NLRP14: variants seen among roughly 807,000 people sequenced by gnomAD.
NLRP14 encodes the protein NACHT, LRR and PYD domains-containing protein 14.
In NLRP14, 105 loss-of-function variants were observed where a neutral mutation model predicts 94.7. The observed-to-expected ratio is 1.11, with a 90% CI of 0.95 to 1.30. NLRP14 has a LOEUF of 1.30. Among genes scored for constraint, NLRP14 ranks in the 50% most tolerant of loss-of-function variants. The pLI is 0.00. For synonymous variants in NLRP14, 508 were observed against 459.9 expected, an observed-to-expected ratio of 1.10 and a Z score of -1.34; for missense variants, 1,362 against 1,254.1, an observed-to-expected ratio of 1.09 and a Z score of -1.30.
At chr11:7,048,999 G>A (rs181180563) in intron 5 of NLRP14, among the ~76,000 whole-genome samples, 2 of 151,942 alleles carry the variant, frequency 1.3e-5, no homozygotes, top group Admixed American at 6.6e-5. Context: ...GTACTTGCCT[G>A]GGGTGAGGGG....
chr11:7,079,149 A>G, the NLRP14 span, among the ~76,000 whole-genome samples: 2 of 152,240 alleles, frequency 1.3e-5, no homozygotes, highest in African/African-American at 4.8e-5. Flanking sequence ...GGCCAGAGGA[A>G]GAAGATGATT....
the NLRP14 span, chr11:7,089,238 A>G: frequency 6.2e-7 from 1 of 1,612,756 alleles, no homozygotes; most frequent in Non-Finnish European, 8.5e-7. Flanking sequence ...GGTGCTCCTG[A>G]TGAAAGACCG....
At chr11:7,075,673 A>G (rs1198592090), downstream of NLRP14, among the ~76,000 whole-genome samples, 3 of 152,232 alleles carry the variant, frequency 2.0e-5, no homozygotes, top group African/African-American at 7.2e-5. Context: ...AGCATGGAGT[A>G]TACAGTCATT....
At chr11:7,090,007 G>T in the NLRP14 span, 10 of 1,612,884 alleles carry the variant, frequency 6.2e-6, no homozygotes, top group Non-Finnish European at 7.6e-6. Flanking sequence ...GCCCCAGGAC[G>T]GGGGACACCG....
downstream of NLRP14, among the ~76,000 whole-genome samples, chr11:7,072,857 T>C (rs1281921719): frequency 7.2e-5 from 11 of 152,172 alleles, no homozygotes; most frequent in Non-Finnish European, 1.6e-4. Flanking sequence ...TGGCCACTTA[T>C]TGTCTCAGAG....
At chr11:7,079,216 C>T in the NLRP14 span, among the ~76,000 whole-genome samples, 7 of 152,262 alleles carry the variant, frequency 4.6e-5, no homozygotes, top group East Asian at 7.7e-4. Flanking sequence ...GGAGCTTCTC[C>T]GCCCCCTAAA....
chr11:7,036,433 G>A (rs1298167033), intron 1 of NLRP14, among the ~76,000 whole-genome samples: 6 of 152,164 alleles, frequency 3.9e-5, no homozygotes, highest in Admixed American at 6.5e-5. Flanking sequence ...TATAGATCTC[G>A]GCTCAAAGGG....
chr11:7,038,630 T>A lies in NLRP14; in HGVS notation c.44T>A (p.Leu15Gln). ...SSSSFFPDFG[L>Q]LLYLEELNKE... Reference sequence around the variant, plus strand: ...TCTTCTTTCTTTCCTGATTTTGGGCTGCTATTGTATTTGGAGGAGCTAAAC... The same window carrying A: ...TCTTCTTTCTTTCCTGATTTTGGGCAGCTATTGTATTTGGAGGAGCTAAAC... Residue 15 changes from leucine to glutamine, a missense_variant, in exon 2 of 12, where the codon CTG becomes CAG. Leu to Gln is a moderately radical substitution (Grantham distance 113). Coordinates refer to ENST00000299481, the MANE Select transcript of NLRP14 (RefSeq NM_176822.4). 6.2e-7 allele frequency: 1 copy of A among 1,614,136 alleles called. No individual in the cohort carries two copies. Among genetic ancestry groups the A allele is most frequent in the Non-Finnish European group, 8.5e-7 (1 of 1,179,976 alleles).
downstream of NLRP14, among the ~76,000 whole-genome samples, chr11:7,073,532 A>G (rs538279382): frequency 4.3e-4 from 65 of 152,242 alleles, no homozygotes; most frequent in African/African-American, 1.5e-3. Flanking sequence ...TGAGGATCTC[A>G]GTCCCACAAG....
chr11:7,043,017 T>C lies in NLRP14; in HGVS notation c.991T>C (p.Ser331Pro), dbSNP rs763996776. The change falls in exon 4 of 12, where the codon TCT (serine) becomes CCT (proline). Residue 331 changes from serine to proline, a missense_variant. Ser to Pro is a moderately conservative substitution (Grantham distance 74, BLOSUM62 -1). Coordinates refer to ENST00000299481, the MANE Select transcript of NLRP14 (RefSeq NM_176822.4). ...NHHYVELLGMSEDAREEYIYQ... is the reference protein window; with the variant it reads ...NHHYVELLGMPEDAREEYIYQ... ...CCATTATGTAGAGCTACTAGGAATG[T>C]CTGAGGATGCAAGAGAGGAGTATAT... is the stretch of plus-strand genomic sequence containing the variant. The C allele has an allele frequency of 6.2e-7, 1 of 1,614,170 alleles. No individual in the cohort carries two copies. The highest frequency in any genetic ancestry group is 1.7e-5 in the Admixed American group (1 of 60,024).
At position 7,043,797 on chromosome 11, in the gene NLRP14, G is replaced by A. The variant is rs960862622; in HGVS notation, c.1771G>A (p.Asp591Asn). The part of the protein sequence containing the change: ...ELFHCLYETQ[D>N]KAFISQAMRC... ...GTTTCACTGTCTGTATGAGACTCAA[G>A]ATAAAGCGTTTATAAGCCAGGCAAT... The change falls in exon 4 of 12, where the codon GAT (aspartate) becomes AAT (asparagine). Residue 591 changes from aspartate (D) to asparagine (N), a missense_variant. Asp to Asn is a conservative substitution (Grantham distance 23). Coordinates refer to ENST00000299481, the MANE Select transcript of NLRP14 (RefSeq NM_176822.4). The A allele has an allele frequency of 2.5e-6, 4 of 1,614,166 alleles. No individual in the cohort carries two copies. The highest frequency in any genetic ancestry group is 3.4e-6 in the Non-Finnish European group (4 of 1,180,014).
downstream of NLRP14, among the ~76,000 whole-genome samples, chr11:7,076,269 G>C (rs929560327): frequency 6.6e-6 from 1 of 152,002 alleles, no homozygotes; most frequent in African/African-American, 2.4e-5. Context: ...GGGAAGAAAG[G>C]GTTTGCAATT....
chr11:7,053,536 T>G (rs1311967655), intron 6 of NLRP14, among the ~76,000 whole-genome samples: 1 of 150,910 alleles, frequency 6.6e-6, no homozygotes, highest in Non-Finnish European at 1.5e-5. Context: ...TGTAGGATAC[T>G]TAGGAAATTA....
the NLRP14 span, chr11:7,089,447 C>T: frequency 3.3e-5 from 49 of 1,505,258 alleles, no homozygotes; most frequent in Non-Finnish European, 4.0e-5. Flanking sequence ...GGTTCCTGCG[C>T]GGAACCCGCG....
At chr11:7,058,602 T>G in intron 8 of NLRP14, 152 bp downstream of exon 8, 1 of 665,180 alleles carries the variant, frequency 1.5e-6, no homozygotes, top group Non-Finnish European at 2.7e-6. Flanking sequence ...TTGCCATTTA[T>G]TGTGTCCTAA....
intron 10 of NLRP14, among the ~76,000 whole-genome samples, chr11:7,064,172 G>A (rs765296040): frequency 5.3e-5 from 8 of 152,158 alleles, no homozygotes; most frequent in Non-Finnish European, 1.0e-4. Flanking sequence ...AGCATCAAGA[G>A]AAGCTTGCAG....
intron 1 of NLRP14, among the ~76,000 whole-genome samples, chr11:7,028,872 A>G (rs980000805): frequency 6.6e-6 from 1 of 152,204 alleles, no homozygotes; most frequent in African/African-American, 2.4e-5. Context: ...TCTTTTATGG[A>G]TCCATTCTCT....
chr11:7,063,569 A>G (rs1024881716), intron 10 of NLRP14, among the ~76,000 whole-genome samples: 1 of 152,056 alleles, frequency 6.6e-6, no homozygotes, highest in Non-Finnish European at 1.5e-5. Context: ...TGTAGCAGAG[A>G]GAAAGACCTA....
downstream of NLRP14, among the ~76,000 whole-genome samples, chr11:7,071,527 A>G (rs1337657517): frequency 7.4e-6 from 1 of 134,534 alleles, no homozygotes; most frequent in Non-Finnish European, 1.6e-5. Flanking sequence ...AAACTCTCTG[A>G]AAAGTATGTT....
Sources: gnomAD v4.1 joint callset for allele counts (sites outside exome capture counted in the v4.1 genomes callset) on GRCh38, gnomAD v4.1.1 for gene constraint, MANE v1.5 for transcripts, NCBI Gene and HGNC (gene_info 2026-07-23, HGNC 2026-07-21) for gene names.